ANO4: variants seen among roughly 807,000 people sequenced by gnomAD.
ANO4 encodes anoctamin-4.
ANO4 carries 69 observed loss-of-function variants against 141.9 expected under a neutral mutation model. The observed-to-expected ratio is 0.49, with a 90% confidence interval of 0.40 to 0.59. The LOEUF (loss-of-function observed/expected upper bound fraction) is 0.59, where lower values mean the gene tolerates loss of function less well. Among genes scored for constraint, ANO4 ranks in the 20% least tolerant of loss-of-function variants. The probability of loss-of-function intolerance (pLI) is 0.00; values close to 1 mark genes in which losing one functional copy is unlikely to be tolerated. For missense variants in ANO4, 894 were observed against 1,162.2 expected (o/e 0.77, Z 3.36); for synonymous variants, 350 against 394.3 (o/e 0.89, Z 1.33).
At chr12:101,104,507 A>G (rs1029772105) in intron 22 of ANO4, among the ~76,000 whole-genome samples, 1 of 150,604 alleles carries the variant, frequency 6.6e-6, no homozygotes, top group African/African-American at 2.4e-5. Flanking sequence ...GAGTTTTGAT[A>G]TATTGCTCTG....
At chr12:100,936,637 G>C (rs1199372577) in intron 3 of ANO4, among the ~76,000 whole-genome samples, 1 of 152,086 alleles carries the variant, frequency 6.6e-6, no homozygotes, top group Non-Finnish European at 1.5e-5. Flanking sequence ...CAGTGTCCTT[G>C]TTCCCCCTTT....
intron 1 of ANO4, among the ~76,000 whole-genome samples, chr12:100,842,590 C>A (rs1457125239): frequency 6.6e-6 from 1 of 152,018 alleles, no homozygotes. Context: ...AACAAAATAC[C>A]TTAGACTGGG....
chr12:100,783,301 A>G (rs1184334831), intron 3 of ANO4, among the ~76,000 whole-genome samples: 1 of 151,990 alleles, frequency 6.6e-6, no homozygotes, highest in Admixed American at 6.6e-5. Context: ...ATTCCTACCC[A>G]CCCCATTTTC....
At chr12:100,799,469 G>A (rs1476865288) in intron 1 of ANO4, among the ~76,000 whole-genome samples, 2 of 152,218 alleles carry the variant, frequency 1.3e-5, no homozygotes, top group African/African-American at 4.8e-5. Flanking sequence ...TTGGCCAGGG[G>A]CGGTGGCCCA....
chr12:100,739,732 A>G, intron 2 of ANO4: 1 of 639,344 alleles, frequency 1.6e-6, no homozygotes, highest in African/African-American at 1.8e-5. Context: ...TATTATGAAC[A>G]TGCATTCTTA....
intron 14 of ANO4, among the ~76,000 whole-genome samples, chr12:101,072,755 A>C (rs1387868831): frequency 6.6e-6 from 1 of 151,686 alleles, no homozygotes; most frequent in African/African-American, 2.4e-5. Flanking sequence ...GGAAAAAAAA[A>C]CATCAAAAAG....
At chr12:101,083,313 G>A (rs867201087) in intron 15 of ANO4, among the ~76,000 whole-genome samples, 3 of 152,118 alleles carry the variant, frequency 2.0e-5, no homozygotes, top group Non-Finnish European at 1.5e-5. Context: ...TCACTCTCTG[G>A]TAATAAAAGT....
At chr12:100,767,869 C>A (rs1017390558) in intron 3 of ANO4, among the ~76,000 whole-genome samples, 2 of 152,328 alleles carry the variant, frequency 1.3e-5, no homozygotes, top group African/African-American at 4.8e-5. Context: ...TTCCCCACCT[C>A]ACATGGAGGC....
intron 1 of ANO4, among the ~76,000 whole-genome samples, chr12:100,817,444 A>G (rs900034022): frequency 6.6e-6 from 1 of 151,926 alleles, no homozygotes; most frequent in Admixed American, 6.6e-5. Context: ...GATTCAAAGC[A>G]GTATTCTAAT....
chr12:101,104,649 A>ATG (rs2050359836), intron 22 of ANO4, among the ~76,000 whole-genome samples: 1 of 83,464 alleles, frequency 1.2e-5, no homozygotes, highest in Admixed American at 1.1e-4. Flanking sequence ...ATATATATAT[A>ATG]TATATATATA....
chr12:101,074,466 C>T (rs550227828), intron 14 of ANO4, among the ~76,000 whole-genome samples: 1 of 152,348 alleles, frequency 6.6e-6, no homozygotes, highest in South Asian at 2.1e-4. Context: ...GCTCATATTT[C>T]ACTGCTGAGA....
chr12:100,823,975 GC>G (rs2036196169), intron 1 of ANO4, among the ~76,000 whole-genome samples: 1 of 152,014 alleles, frequency 6.6e-6, no homozygotes, highest in Non-Finnish European at 1.5e-5. Flanking sequence ...GAGTAAAAAT[GC>G]TACAAATCTT....
chr12:100,827,513 T>C (rs919627481), intron 1 of ANO4, among the ~76,000 whole-genome samples: 5 of 151,984 alleles, frequency 3.3e-5, no homozygotes, highest in East Asian at 1.9e-4. Context: ...AAAGTAGGAA[T>C]TTTTTCTGTT....
At chr12:100,788,995 G>T (rs1162080587) in intron 3 of ANO4, among the ~76,000 whole-genome samples, 1 of 152,094 alleles carries the variant, frequency 6.6e-6, no homozygotes, top group Non-Finnish European at 1.5e-5. Context: ...TGCAGACCCT[G>T]GGATGGGAAT....
In ANO4 at chr12:100,975,131, T is replaced by C. The variant is rs77933622; in HGVS notation, c.602+242T>C. ...GGGGGGATTGCCATTCATCTGCAAG[T>C]GTGCTGGGGCTATTGCTTTTTAGCC... On this transcript the variant is annotated intron_variant, in intron 7 of 27. Transcript: ENST00000392977. Among the ~76,000 whole-genome samples the C allele has an allele frequency of 6.8e-4, 103 of 152,176 alleles. 1 individual carries two copies. The East Asian group carries it at 0.019, about 28-fold the overall frequency.
At position 101,107,712 on chromosome 12, in the gene ANO4, G is replaced by A. The variant is rs118033368; in HGVS notation, c.2150-2692G>A. Among the ~76,000 whole-genome samples, 904 of 152,204 alleles carry A rather than the reference G, an allele frequency of 5.9e-3. 8 individuals carry two copies. The highest frequency in any genetic ancestry group is 0.012 in the Admixed American group (184 of 15,284). ...TCCTTGAATGGCATGGTGAAGTTTC[G>A]GATTTATTCTGCAGCCAGTGAGAAC... On this transcript the variant is annotated intron_variant, in intron 22 of 27. Transcript: ENST00000392977.
At chr12:100,823,793 A>G (rs2036183819) in intron 1 of ANO4, among the ~76,000 whole-genome samples, 1 of 152,046 alleles carries the variant, frequency 6.6e-6, no homozygotes. Context: ...GTGACTCTGT[A>G]GGTAGCCACT....
intron 3 of ANO4, among the ~76,000 whole-genome samples, chr12:100,926,761 C>CT (rs1043330316): frequency 7.9e-5 from 12 of 151,740 alleles, no homozygotes; most frequent in African/African-American, 2.2e-4. Flanking sequence ...AAGTTCCTGC[C>CT]TTTTTTTTCT....
At chr12:101,117,087 G>A (rs373107097) in intron 25 of ANO4, among the ~76,000 whole-genome samples, 3 of 152,306 alleles carry the variant, frequency 2.0e-5, no homozygotes, top group East Asian at 1.9e-4. Flanking sequence ...AGGTTATACC[G>A]CTGCTCCAGG....
Sources: gnomAD v4.1 joint callset for allele counts (sites outside exome capture counted in the v4.1 genomes callset) on GRCh38, gnomAD v4.1.1 for gene constraint, MANE v1.5 for transcripts, NCBI Gene and HGNC (gene_info 2026-07-23, HGNC 2026-07-21) for gene names.